The following SMOC1 variants were observed in gnomAD, a reference collection of about 807,000 sequenced individuals.
SMOC1 encodes the protein SPARC related modular calcium binding 1.
A neutral mutation model predicts 56.3 loss-of-function variants in SMOC1; 22 were observed. The observed-to-expected ratio is 0.39, with a 90% CI of 0.28 to 0.56. The LOEUF is 0.56. Ranked by LOEUF, SMOC1 falls within the 20% of genes least tolerant of loss-of-function variation. SMOC1 has a pLI of 0.61. For missense variants in SMOC1, 509 were observed against 565.4 expected (o/e 0.90, Z 1.01); for synonymous variants, 193 against 215.0 (o/e 0.90, Z 0.89).
intron 9 of SMOC1, 87 bp downstream of exon 9, chr14:70,011,654 G>T: frequency 7.8e-7 from 1 of 1,287,472 alleles, no homozygotes; most frequent in East Asian, 2.4e-5. Context: ...TCTCCTCTTT[G>T]TCTGTTTCCC....
At chr14:69,952,384 G>A in intron 2 of SMOC1, 81 bp downstream of exon 2, 1 of 1,552,298 alleles carries the variant, frequency 6.4e-7, no homozygotes, top group East Asian at 2.3e-5. Context: ...CAACAGGGAA[G>A]CTTGGAGTAA....
At chr14:69,923,424 C>A (rs1353188997) in intron 1 of SMOC1, among the ~76,000 whole-genome samples, 1 of 152,162 alleles carries the variant, frequency 6.6e-6, no homozygotes. Flanking sequence ...GGTGGGAGCA[C>A]AGGGGGTAAT....
At chr14:69,982,272 G>A (rs1342253833) in intron 5 of SMOC1, among the ~76,000 whole-genome samples, 1 of 152,160 alleles carries the variant, frequency 6.6e-6, no homozygotes, top group Non-Finnish European at 1.5e-5. Flanking sequence ...TCTTGGAGAG[G>A]GGCAGAACTT....
At chr14:69,902,895 C>T (rs1173697664) in intron 1 of SMOC1, among the ~76,000 whole-genome samples, 1 of 152,250 alleles carries the variant, frequency 6.6e-6, no homozygotes, top group Non-Finnish European at 1.5e-5. Flanking sequence ...GCCGGGATTG[C>T]AGACGGAGTC....
intron 1 of SMOC1, among the ~76,000 whole-genome samples, chr14:69,902,783 G>C (rs34045839): frequency 2.0e-5 from 3 of 151,646 alleles, no homozygotes; most frequent in Non-Finnish European, 3.0e-5. Flanking sequence ...CGCCTGACTG[G>C]TTTTCGTATT....
intron 5 of SMOC1, among the ~76,000 whole-genome samples, chr14:69,987,447 A>T (rs1884405971): frequency 2.0e-5 from 3 of 152,120 alleles, no homozygotes; most frequent in African/African-American, 4.8e-5. Flanking sequence ...CCTTTGAGAC[A>T]TTTGCTTTTG....
intron 4 of SMOC1, 136 bp downstream of exon 4, chr14:69,975,950 T>G (rs979059237): frequency 5.8e-6 from 4 of 693,118 alleles, no homozygotes; most frequent in Non-Finnish European, 1.0e-5. Flanking sequence ...AGGATTCTAC[T>G]CTAACATGCT....
At chr14:70,027,025 G>T (rs1328485886) in intron 11 of SMOC1, among the ~76,000 whole-genome samples, 2 of 152,156 alleles carry the variant, frequency 1.3e-5, no homozygotes, top group African/African-American at 4.8e-5. Flanking sequence ...GGGTGAAGTG[G>T]AGGCTGAGTA....
chr14:69,908,505 A>G (rs1340941913), intron 1 of SMOC1, among the ~76,000 whole-genome samples: 1 of 152,022 alleles, frequency 6.6e-6, no homozygotes, highest in Non-Finnish European at 1.5e-5. Context: ...GCTGGAGGGT[A>G]GTGGGAACAC....
At chr14:69,882,655 T>C (rs1017486671) in intron 1 of SMOC1, among the ~76,000 whole-genome samples, 2 of 151,970 alleles carry the variant, frequency 1.3e-5, no homozygotes, top group Admixed American at 1.3e-4. Context: ...CAGGGGAGGA[T>C]GGGATGGGGG....
chr14:69,945,776 G>A lies in SMOC1; in HGVS notation c.100-6362G>A, dbSNP rs561223346. Among the ~76,000 whole-genome samples the A allele has an allele frequency of 2.6e-5, 4 of 152,262 alleles. No homozygotes were observed. The South Asian group carries it at 8.3e-4, about 32-fold the overall frequency. On this transcript the variant is annotated intron_variant, in intron 1 of 11. Coordinates refer to ENST00000361956, the MANE Select transcript of SMOC1 (RefSeq NM_001034852.3). ...GTTTGGCCTGTGATTTTTGAGTATG[G>A]TATCACAGAGAGAAATGTCACTTGC...
intron 1 of SMOC1, among the ~76,000 whole-genome samples, chr14:69,907,405 G>A (rs1275842): frequency 0.76 from 114,915 of 152,160 alleles, 47,832 homozygotes; most frequent in East Asian, 0.99. Context: ...TTAAATATAT[G>A]GTGATTTCTT....
At chr14:69,939,741 G>C (rs1404917374) in intron 1 of SMOC1, among the ~76,000 whole-genome samples, 3 of 152,168 alleles carry the variant, frequency 2.0e-5, no homozygotes, top group African/African-American at 7.2e-5. Context: ...AAATTACAAT[G>C]ACTCTAAGAC....
In SMOC1 at chr14:69,902,908, G is replaced by A. The variant is rs921491021; in HGVS notation, c.99+23131G>A. 3.3e-5 allele frequency among the ~76,000 whole-genome samples: 5 copies of A among 152,204 alleles called. No homozygotes were observed. In the East Asian group the frequency reaches 7.7e-4, roughly 23 times the overall value. On this transcript the variant is annotated intron_variant, in intron 1 of 11. Transcript: ENST00000361956. ...GTGCCGGGATTGCAGACGGAGTCTC[G>A]TTCACTCAGTGCTCAGTGTTGCCTA...
chr14:69,927,191 G>A (rs1472640129), intron 1 of SMOC1, among the ~76,000 whole-genome samples: 3 of 152,226 alleles, frequency 2.0e-5, no homozygotes, highest in South Asian at 2.1e-4. Flanking sequence ...GCTTCATGTC[G>A]TGCTGACTGA....
chr14:69,921,843 A>T (rs1023069017), intron 1 of SMOC1, among the ~76,000 whole-genome samples: 1 of 152,220 alleles, frequency 6.6e-6, no homozygotes, highest in Non-Finnish European at 1.5e-5. Context: ...TGGGAACCAG[A>T]AACAGCAGGT....
intron 4 of SMOC1, among the ~76,000 whole-genome samples, chr14:69,976,658 T>A (rs549611767): frequency 6.6e-6 from 1 of 152,342 alleles, no homozygotes; most frequent in East Asian, 1.9e-4. Context: ...TAAAAGACTC[T>A]GAGTCGCTCC....
chr14:69,939,755 C>T (rs1337828739), intron 1 of SMOC1, among the ~76,000 whole-genome samples: 5 of 152,254 alleles, frequency 3.3e-5, no homozygotes, highest in African/African-American at 1.2e-4. Context: ...CTAAGACCCT[C>T]ATCTGCTCAA....
At chr14:70,019,847 T>C (rs1885646691) in intron 10 of SMOC1, among the ~76,000 whole-genome samples, 1 of 152,218 alleles carries the variant, frequency 6.6e-6, no homozygotes, top group Non-Finnish European at 1.5e-5. Flanking sequence ...ACTGCTATGC[T>C]AGGACTCCTG....
Sources: allele counts gnomAD v4.1 joint callset (sites outside exome capture counted in the v4.1 genomes callset), GRCh38; gene constraint gnomAD v4.1.1; transcripts MANE v1.5; gene names NCBI Gene and HGNC (gene_info 2026-07-23, HGNC 2026-07-21).